The following COL6A1 variants were observed in gnomAD, a reference collection of about 807,000 sequenced individuals.
The protein encoded by COL6A1 is collagen type VI alpha 1 chain.
A neutral mutation model predicts 145.6 loss-of-function variants in COL6A1; 80 were observed. That is an observed-to-expected ratio of 0.55 (90% CI 0.46 to 0.66). The LOEUF (loss-of-function observed/expected upper bound fraction) is 0.66, where lower values mean the gene tolerates loss of function less well. Ranked by LOEUF, COL6A1 falls within the 30% of genes least tolerant of loss-of-function variation. The probability of loss-of-function intolerance (pLI) is 0.00; values close to 1 mark genes in which losing one functional copy is unlikely to be tolerated. For missense variants in COL6A1, 1,364 were observed against 1,473.8 expected (o/e 0.93, Z 1.22); for synonymous variants, 638 against 622.8 (o/e 1.02, Z -0.36).
chr21:46,001,883 G>C (rs8131313), intron 30 of COL6A1, 78 bp from the exon 31 acceptor site: 1 of 1,304,456 alleles, frequency 7.7e-7, no homozygotes, highest in Non-Finnish European at 1.1e-6. Flanking sequence ...GGCACCCGCA[G>C]CCAATAGAGT....
chr21:46,003,707 C>T lies in COL6A1; in HGVS notation c.2781C>T (p.Tyr927=), dbSNP rs61735853. The T allele has an allele frequency of 5.5e-3, 8,882 of 1,613,022 alleles. 312 individuals carry two copies. The African/African-American group carries it at 0.09, about 16-fold the overall frequency. Reference sequence around the variant, plus strand: ...CCCTGGGCTATGTGACCCGCTTCTACCGCGAGGCCTCGTCCGGCGCTGCCA... The same window carrying T: ...CCCTGGGCTATGTGACCCGCTTCTATCGCGAGGCCTCGTCCGGCGCTGCCA... ...NDALGYVTRF[Y]REASSGAAKK... is the part of the protein sequence containing the mutation. Residue 927 remains tyrosine, a synonymous_variant, in exon 35 of 35, where the codon TAC becomes TAT. Transcript: ENST00000361866.
intron 25 of COL6A1, 49 bp from the exon 26 acceptor site, chr21:45,999,104 G>C (rs1569518794): frequency 6.4e-7 from 1 of 1,556,448 alleles, no homozygotes; most frequent in African/African-American, 1.4e-5. Context: ...CCAGCGCGCA[G>C]ATGCCCGGGT....
Position 46,004,075 on chromosome 21 carries a change from G to C in COL6A1, c.*62G>C. ...ACCCCTCCCCACTCATCACTAAACA[G>C]AGTAAAATGTGATGCGAATTTTCCC... On this transcript the variant is annotated 3_prime_UTR_variant, in exon 35 of 35. Transcript: ENST00000361866. 2 of 1,573,384 alleles carry C rather than the reference G, an allele frequency of 1.3e-6. No homozygotes were observed. The highest frequency in any genetic ancestry group is 2.3e-5 in the South Asian group (2 of 86,940).
In COL6A1 at chr21:45,994,121, C is replaced by A. The variant is rs781669908; in HGVS notation, c.1336-46C>A. The A allele has an allele frequency of 6.4e-7, 1 of 1,558,552 alleles. No homozygotes were observed. Among genetic ancestry groups the A allele is most frequent in the Admixed American group, 1.9e-5 (1 of 52,684 alleles). ...CCCAGCGTGCCCGGGCAGCCATCCT[C>A]CCCAAGGATGGCCCAGCTCCACACT... On this transcript the variant is annotated intron_variant, in intron 19 of 34. Coordinates refer to ENST00000361866, the MANE Select transcript of COL6A1 (RefSeq NM_001848.3). This position sits in a 1 kb window ranked among gnomAD's most constrained non-coding sequence, Gnocchi z 6.8.
chr21:46,003,395 G>T lies in COL6A1; in HGVS notation c.2469G>T (p.Thr823=), dbSNP rs146662894. ...KKCPDYTCPI[T]FSSPADITIL... ...GCTGCCCACCCCGCCCCGCAGTCAC[G>T]TTCTCCTCCCCGGCTGACATCACCA... The change falls in exon 35 of 35, where the codon ACG becomes ACT. Residue 823 remains threonine (T), a synonymous_variant. Transcript: ENST00000361866. 1.2e-6 allele frequency: 2 copies of T among 1,600,542 alleles called. No individual in the cohort carries two copies. Among genetic ancestry groups the T allele is most frequent in the East Asian group, 2.2e-5 (1 of 44,856 alleles).
Position 45,998,933 on chromosome 21 carries a change from G to C in COL6A1, c.1648G>C (p.Gly550Arg). The stretch of plus-strand genomic sequence containing the variant: ...CTACCCCGGCCTCAAGGGGGACGAG[G>C]GAGAAGCCGGGGACCCCGGAGACGA... ...KGYPGLKGDEGEAGDPGDDNN... is the reference protein window; with the variant it reads ...KGYPGLKGDEREAGDPGDDNN... The change falls in exon 25 of 35, where the codon GGA (glycine) becomes CGA (arginine). Residue 550 changes from glycine (G) to arginine (R), a missense_variant. Physicochemically the swap from Gly to Arg is moderately radical, Grantham distance 125. Around this residue, in one of 3 missense-constraint regions of COL6A1, gnomAD observed 938 missense variants for 1,003.8 expected, o/e 0.93. Coordinates refer to ENST00000361866, the MANE Select transcript of COL6A1 (RefSeq NM_001848.3). 6.4e-7 allele frequency: 1 copy of C among 1,555,954 alleles called. No individual in the cohort carries two copies. The highest frequency in any genetic ancestry group is 8.7e-7 in the Non-Finnish European group (1 of 1,149,238).
intron 20 of COL6A1, among the ~76,000 whole-genome samples, chr21:45,996,877 C>T (rs1412221325): frequency 2.0e-5 from 3 of 152,278 alleles, no homozygotes; most frequent in Middle Eastern, 6.8e-3. Flanking sequence ...GCCTCAGGTG[C>T]AGGTGGGGGC....
At chr21:45,988,917 C>T (rs919760645) in intron 8 of COL6A1, among the ~76,000 whole-genome samples, 167 bp from the exon 9 acceptor site, 3 of 152,150 alleles carry the variant, frequency 2.0e-5, no homozygotes, top group African/African-American at 7.2e-5. Flanking sequence ...AGCTGGCGTG[C>T]GGGTTGGAGC....
rs1210940531 is a variant in COL6A1 at position 45,997,427 on chromosome 21, G to A, written c.1405G>A (p.Ala469Thr). ...CATATCCATCTCTCTACAGGGCGAG[G>A]CTGGCCCTATCGGACCTAAAGGCTA... ...PVGVPGDPGE[A>T]GPIGPKGYRG... The change falls in exon 21 of 35, where the codon GCT becomes ACT. Residue 469 changes from alanine (A) to threonine (T), a missense_variant. Transcript: ENST00000361866. 1 of 1,612,888 alleles carries A rather than the reference G, an allele frequency of 6.2e-7. No individual in the cohort carries two copies. Among genetic ancestry groups the A allele is most frequent in the East Asian group, 2.2e-5 (1 of 44,834 alleles).
Position 45,992,800 on chromosome 21 carries a change from G to A in COL6A1, c.1325G>A (p.Arg442Lys). ...PRGTPGTRGPRGDPGEAGPQG... is the reference protein window; with the variant it reads ...PRGTPGTRGPKGDPGEAGPQG... ...GGGACCCCAGGCACGCGGGGACCAA[G>A]AGGAGACCCTGTGAGTCACAGTTCC... The change falls in exon 19 of 35, where the codon AGA becomes AAA. Residue 442 changes from arginine (R) to lysine (K), a missense_variant. Transcript: ENST00000361866. The A allele has an allele frequency of 6.3e-7, 1 of 1,599,342 alleles. No individual in the cohort carries two copies.
chr21:45,994,348 G>A lies in COL6A1; in HGVS notation c.1398+119G>A, dbSNP rs1376221338. On this transcript the variant is annotated intron_variant, in intron 20 of 34. Coordinates refer to ENST00000361866, the MANE Select transcript of COL6A1 (RefSeq NM_001848.3). The surrounding 1 kb of genome is among the most constrained non-coding windows in gnomAD (Gnocchi z 6.8). ...TCCGTTTGAGGGCCTCTGTGTTTCC[G>A]TAGATCTCGGGGGTGTCCCTGCGTG... 11 of 1,013,944 alleles carry A rather than the reference G, an allele frequency of 1.1e-5. No homozygotes were observed. The highest frequency in any genetic ancestry group is 1.0e-4 in the East Asian group (4 of 38,246). 62.8% of individuals were successfully genotyped at this position (1,013,944 alleles called of 1,614,324 possible). A position where few individuals can be genotyped will look rare whatever the true frequency, so the allele number is the denominator to read the frequency against.
rs1569517976 is a variant in COL6A1, at chr21:45,987,810, CGGCGGGAGTCCAGATGGAGGGGAT to C, written c.804+163_804+186del. Among the ~76,000 whole-genome samples, 4 of 41,752 alleles carry C rather than the reference CGGCGGGAGTCCAGATGGAGGGGAT, an allele frequency of 9.6e-5. 1 individual carries two copies. The highest frequency in any genetic ancestry group is 2.0e-3 in the South Asian group (2 of 1,022). 27.4% of individuals were successfully genotyped at this position (41,752 alleles called of 152,430 possible). ...ACGGCGGGGGTCCAGATGGAGGGGACGGCGGGAGTCCAGATGGAGGGGATGGCGGGGTCCAGATGGAGGGGACGG... is the reference window on the plus strand; with the variant it reads ...ACGGCGGGGGTCCAGATGGAGGGGACGGCGGGGTCCAGATGGAGGGGACGG... On this transcript the variant is annotated intron_variant, in intron 8 of 34. Coordinates refer to ENST00000361866, the MANE Select transcript of COL6A1 (RefSeq NM_001848.3).
intron 22 of COL6A1, 94 bp downstream of exon 22, chr21:45,997,856 C>G (rs981587655): frequency 7.2e-7 from 1 of 1,391,942 alleles, no homozygotes; most frequent in Non-Finnish European, 9.8e-7. Flanking sequence ...GCCTGGGGTC[C>G]CTGACCGGGC....
At chr21:46,002,758 C>T (rs779627372) in intron 33 of COL6A1, 48 bp downstream of exon 33, 97 of 1,516,454 alleles carry the variant, frequency 6.4e-5, no homozygotes, top group Middle Eastern at 4.0e-4. Context: ...TAGGTGCGCG[C>T]GGGGCCGCCC....
At chr21:46,001,502 C>A in intron 30 of COL6A1, 116 bp downstream of exon 30, 1 of 1,379,824 alleles carries the variant, frequency 7.2e-7, no homozygotes, top group Non-Finnish European at 1.0e-6. Context: ...CCTGTGACTT[C>A]CCTACTCATG....
intron 28 of COL6A1, 32 bp from the exon 29 acceptor site, chr21:46,000,727 C>G: frequency 6.2e-7 from 1 of 1,613,938 alleles, no homozygotes; most frequent in Non-Finnish European, 8.5e-7. Context: ...GCGGCCCTGA[C>G]TGGTCTAACT....
In COL6A1 at chr21:45,993,035, C is replaced by T. The variant is rs148964327; in HGVS notation, c.1335+225C>T. Among the ~76,000 whole-genome samples the T allele has an allele frequency of 2.8e-3, 428 of 152,356 alleles. 3 individuals are homozygous for T. The highest frequency in any genetic ancestry group is 9.9e-3 in the African/African-American group (413 of 41,590). On this transcript the variant is annotated intron_variant, in intron 19 of 34. Transcript: ENST00000361866. ...CATGTGAAGGCGTTGCCCGTGGACC[C>T]GGTGCCCACTTTCCCACCAGGCGGC...
chr21:45,981,946 G>C lies in COL6A1; in HGVS notation c.96G>C (p.Gln32His). 6.2e-7 allele frequency: 1 copy of C among 1,605,330 alleles called. No homozygotes were observed. Among genetic ancestry groups the C allele is most frequent in the Non-Finnish European group, 8.5e-7 (1 of 1,176,808 alleles). Residue 32 changes from glutamine (Q) to histidine (H), a missense_variant and splice_region_variant, in exon 1 of 35, where the codon CAG (glutamine) becomes CAC (histidine). Physicochemically the swap from Gln to His is conservative, Grantham distance 24. Around this residue, in one of 3 missense-constraint regions of COL6A1, gnomAD observed 414 missense variants for 437.6 expected, o/e 0.95. Coordinates refer to ENST00000361866, the MANE Select transcript of COL6A1 (RefSeq NM_001848.3). ...AGACCCCGAGGGCCGTGGCCTTCCA[G>C]GGTGAGTGGTGGCTTGGGGTGCAGG... ...EPETPRAVAF[Q>H]DCPVDLFFVL... is the part of the protein sequence containing the mutation.
chr21:45,985,890 G>A (rs1034826730), intron 3 of COL6A1, among the ~76,000 whole-genome samples: 2 of 152,202 alleles, frequency 1.3e-5, no homozygotes, highest in African/African-American at 4.8e-5. Context: ...GTCTGCAGGG[G>A]GTGCATGGGG....
Sources: allele counts gnomAD v4.1 joint callset (sites outside exome capture counted in the v4.1 genomes callset), GRCh38; gene constraint gnomAD v4.1.1; regional missense constraint gnomAD v4.1.1; non-coding constraint Gnocchi (gnomAD v3.1); transcripts MANE v1.5; gene names NCBI Gene and HGNC (gene_info 2026-07-23, HGNC 2026-07-21).